The following ARID4B variants were observed in gnomAD, a reference collection of about 807,000 sequenced individuals.
ARID4B encodes AT-rich interactive domain-containing protein 4B.
Under a neutral mutation model 147.5 loss-of-function variants are expected in ARID4B, and 26 were observed. The observed-to-expected ratio is 0.18, with a 90% CI of 0.13 to 0.24. The LOEUF is 0.24. Among genes scored for constraint, ARID4B ranks in the 10% least tolerant of loss-of-function variants. The pLI is 1.00. For missense variants in ARID4B, 1,179 were observed against 1,511.5 expected, an observed-to-expected ratio of 0.78 and a Z score of 3.65; for synonymous variants, 512 against 507.9, an observed-to-expected ratio of 1.01 and a Z score of -0.11.
chr1:235,197,326 A>G (rs1665573273), intron 17 of ARID4B, among the ~76,000 whole-genome samples: 1 of 152,238 alleles, frequency 6.6e-6, no homozygotes, highest in Non-Finnish European at 1.5e-5. Flanking sequence ...TAGAGGTATT[A>G]AAAGGAAGTA....
chr1:235,210,905 ACTC>A (rs1666674963), intron 17 of ARID4B, among the ~76,000 whole-genome samples: 2 of 152,072 alleles, frequency 1.3e-5, no homozygotes, highest in African/African-American at 4.8e-5. Flanking sequence ...AAATCAAAAT[ACTC>A]CTGGAATTCT....
intron 6 of ARID4B, among the ~76,000 whole-genome samples, chr1:235,248,696 A>G (rs1669455508): frequency 1.3e-5 from 2 of 152,228 alleles, no homozygotes; most frequent in Admixed American, 1.3e-4. Flanking sequence ...CACACATAGT[A>G]ATTTTCAAAT....
At chr1:235,242,149 G>T (rs956438489) in intron 7 of ARID4B, among the ~76,000 whole-genome samples, 1 of 151,914 alleles carries the variant, frequency 6.6e-6, no homozygotes, top group Non-Finnish European at 1.5e-5. Flanking sequence ...TCTGGAGGCT[G>T]AGGCAGGAGA....
chr1:235,170,910 C>CAAAAAAAAA (rs1164420998), intron 23 of ARID4B, among the ~76,000 whole-genome samples: 1 of 61,448 alleles, frequency 1.6e-5, no homozygotes, highest in African/African-American at 5.4e-5. Flanking sequence ...GACTCCGTCT[C>CAAAAAAAAA]AAAAAAAAAA....
At chr1:235,170,784 G>A (rs760365081) in intron 23 of ARID4B, among the ~76,000 whole-genome samples, 1 of 151,596 alleles carries the variant, frequency 6.6e-6, no homozygotes, top group Non-Finnish European at 1.5e-5. Context: ...ATGGCGGCAC[G>A]CACCTGTAGT....
chr1:235,311,787 A>AAAAC (rs906064915), intron 2 of ARID4B, among the ~76,000 whole-genome samples: 52 of 152,190 alleles, frequency 3.4e-4, no homozygotes, highest in Admixed American at 1.4e-3. Flanking sequence ...AACAAAAAAC[A>AAAAC]AAACAAACAA....
intron 5 of ARID4B, among the ~76,000 whole-genome samples, chr1:235,253,622 GA>G (rs1235735296): frequency 6.6e-6 from 1 of 151,994 alleles, no homozygotes; most frequent in Non-Finnish European, 1.5e-5. Context: ...TAAAGTAGGG[GA>G]AAAATTTTAA....
At chr1:235,179,342 C>A (rs1382082320) in intron 20 of ARID4B, among the ~76,000 whole-genome samples, 2 of 151,400 alleles carry the variant, frequency 1.3e-5, no homozygotes, top group African/African-American at 4.9e-5. Flanking sequence ...GTAGACCAGC[C>A]TGGCCAACAT....
intron 2 of ARID4B, among the ~76,000 whole-genome samples, chr1:235,299,780 G>A (rs913456269): frequency 6.6e-6 from 1 of 152,192 alleles, no homozygotes; most frequent in African/African-American, 2.4e-5. Flanking sequence ...CATAATTCTT[G>A]TTCATTGGTG....
intron 2 of ARID4B, among the ~76,000 whole-genome samples, chr1:235,277,357 T>C (rs888295150): frequency 2.6e-5 from 4 of 151,872 alleles, no homozygotes; most frequent in South Asian, 2.1e-4. Flanking sequence ...CTGACCAACA[T>C]AGTGAAACCC....
At chr1:235,297,084 C>A (rs553284145) in intron 2 of ARID4B, among the ~76,000 whole-genome samples, 1 of 151,982 alleles carries the variant, frequency 6.6e-6, no homozygotes, top group South Asian at 2.1e-4. Flanking sequence ...AGATGCGGAG[C>A]AGGAAATGTA....
Position 235,182,541 on chromosome 1 carries a change from G to T in ARID4B, c.2378C>A (p.Thr793Asn). 6.2e-7 allele frequency: 1 copy of T among 1,612,870 alleles called. No homozygotes were observed. The change falls in exon 20 of 24, where the codon ACT becomes AAT. Residue 793 changes from threonine (T) to asparagine (N), a missense_variant. Physicochemically the swap from Thr to Asn is moderately conservative, Grantham distance 65. Around this residue, in one of 10 missense-constraint regions of ARID4B, gnomAD observed 321 missense variants for 342.4 expected, o/e 0.94. Coordinates refer to ENST00000264183, the MANE Select transcript of ARID4B (RefSeq NM_016374.6). ...TGTGACTTCATCTTCTTCATAATCA[G>T]TATCTTCGGATAATACTTCTATATC... is the stretch of plus-strand genomic sequence containing the variant. ...RKDIEVLSED[T>N]DYEEDEVTKK...
chr1:235,291,305 G>A (rs1447701621), intron 2 of ARID4B, among the ~76,000 whole-genome samples: 1 of 152,082 alleles, frequency 6.6e-6, no homozygotes, highest in East Asian at 1.9e-4. Context: ...TACCTCGGAA[G>A]GATGAGGCAG....
At chr1:235,292,132 GCTT>G (rs1215243373) in intron 2 of ARID4B, among the ~76,000 whole-genome samples, 2 of 152,096 alleles carry the variant, frequency 1.3e-5, no homozygotes, top group Non-Finnish European at 2.9e-5. Context: ...TAAGTTGTTT[GCTT>G]CTTCATTTCG....
At chr1:235,300,165 C>G (rs1324342191) in intron 2 of ARID4B, among the ~76,000 whole-genome samples, 1 of 152,180 alleles carries the variant, frequency 6.6e-6, no homozygotes. Flanking sequence ...CCTGTAATCC[C>G]AGCACTTTGG....
At chr1:235,258,058 G>A (rs1430279101) in intron 3 of ARID4B, among the ~76,000 whole-genome samples, 4 of 152,110 alleles carry the variant, frequency 2.6e-5, no homozygotes, top group African/African-American at 9.7e-5. Context: ...CAGGCCAGGT[G>A]CGGTGGCTCA....
intron 2 of ARID4B, among the ~76,000 whole-genome samples, chr1:235,300,816 TCTC>T (rs1372020499): frequency 1.3e-5 from 2 of 152,002 alleles, no homozygotes; most frequent in Non-Finnish European, 2.9e-5. Context: ...TTCAAGCGAT[TCTC>T]CTGCCTCAGC....
intron 2 of ARID4B, among the ~76,000 whole-genome samples, chr1:235,304,810 T>C (rs1436515295): frequency 1.3e-5 from 2 of 152,232 alleles, no homozygotes; most frequent in Non-Finnish European, 2.9e-5. Context: ...GTGTATTCTA[T>C]GCATGGCCTG....
Position 235,252,774 on chromosome 1 carries a change from A to T in ARID4B, c.310T>A (p.Ser104Thr), listed in dbSNP as rs1388301503. 1.2e-6 allele frequency: 2 copies of T among 1,612,222 alleles called. No homozygotes were observed. The highest frequency in any genetic ancestry group is 1.7e-5 in the Admixed American group (1 of 59,776). ...DDGDEKTLRR[S>T]SLCLKGERHF... ...CTCTCTCCTTTCAGGCACAGTGAAG[A>T]TCGTCTCAGTGTCTTCTCATCTCCG... The change falls in exon 6 of 24, where the codon TCT becomes ACT. Residue 104 changes from serine to threonine, a missense_variant. This residue lies in a region of ARID4B where 19 missense variants were observed against 46.7 expected (regional missense o/e 0.41). Coordinates refer to ENST00000264183, the MANE Select transcript of ARID4B (RefSeq NM_016374.6).
Sources: allele counts gnomAD v4.1 joint callset (sites outside exome capture counted in the v4.1 genomes callset), GRCh38; gene constraint gnomAD v4.1.1; regional missense constraint gnomAD v4.1.1; transcripts MANE v1.5; gene names NCBI Gene and HGNC (gene_info 2026-07-23, HGNC 2026-07-21).